The following ZNF347 variants were observed in gnomAD, a reference collection of about 807,000 sequenced individuals.
The protein encoded by ZNF347 is CTD-2620I22.7.
In ZNF347, 19 loss-of-function variants were observed where a neutral mutation model predicts 12.9. The ratio of observed to expected loss-of-function variants is 1.47; its 90% confidence interval spans 1.03 to 2.16. ZNF347 has a LOEUF of 2.16. Ranked by LOEUF, ZNF347 falls within the 30% of genes most tolerant of loss-of-function variation. The pLI, the probability that ZNF347 is intolerant of heterozygous loss-of-function variation, is 0.00. For missense variants in ZNF347, 1,005 were observed against 990.6 expected (o/e 1.01, Z -0.19); for synonymous variants, 328 against 340.6 (o/e 0.96, Z 0.41).
chr19:53,140,199 C>T lies in ZNF347; in HGVS notation c.*109G>A. 1 of 1,141,604 alleles carries T rather than the reference C, an allele frequency of 8.8e-7. No individual in the cohort carries two copies. Among genetic ancestry groups the T allele is most frequent in the Non-Finnish European group, 1.2e-6 (1 of 801,682 alleles). The allele number at this position is 1,141,604 out of a possible 1,614,324, so 70.7% of individuals were successfully genotyped here. A position where few individuals can be genotyped will look rare whatever the true frequency, so the allele number is the denominator to read the frequency against. ...ACAGGCATGAGCCACTGCACCCAGC[C>T]AGTCATTGCATTTTCAAGGAATCTC... On this transcript the variant is annotated 3_prime_UTR_variant, in exon 5 of 5. Coordinates refer to ENST00000334197, the MANE Select transcript of ZNF347 (RefSeq NM_032584.3).
rs1256200036 is a variant in ZNF347, at chr19:53,139,035, CA to C, written c.*1272del. 6.6e-6 allele frequency: 1 copy of C among 152,136 alleles called. No individual in the cohort carries two copies. The highest frequency in any genetic ancestry group is 2.4e-5 in the African/African-American group (1 of 41,426). 9.4% of individuals were successfully genotyped at this position (152,136 alleles called of 1,614,324 possible). A position where few individuals can be genotyped will look rare whatever the true frequency, so the allele number is the denominator to read the frequency against. On this transcript the variant is annotated 3_prime_UTR_variant, in exon 5 of 5. Coordinates refer to ENST00000334197, the MANE Select transcript of ZNF347 (RefSeq NM_032584.3). ...TTTTTCATCAATCTCTGCTATAAAA[CA>C]GCTATTGCCATTCAGTAGAGAAAGT...
Position 53,140,604 on chromosome 19 carries a change from A to G in ZNF347, c.2224T>C (p.Cys742Arg). The stretch of plus-strand genomic sequence containing the variant: ...GAATTCTGAGTGAAGACCTTCCCAC[A>G]CTCATTGCATTTGTAAGGTTTTTTT... The part of the protein sequence containing the change: ...TGKKPYKCNE[C>R]GKVFTQNSHL... Residue 742 changes from cysteine (C) to arginine (R), a missense_variant, in exon 5 of 5, where the codon TGT becomes CGT. Coordinates refer to ENST00000334197, the MANE Select transcript of ZNF347 (RefSeq NM_032584.3). 2 of 1,613,404 alleles carry G rather than the reference A, an allele frequency of 1.2e-6. No individual in the cohort carries two copies. The highest frequency in any genetic ancestry group is 8.5e-7 in the Non-Finnish European group (1 of 1,179,880).
In ZNF347 at chr19:53,149,256, T is replaced by C; in HGVS notation, c.127A>G (p.Asn43Asp). The change falls in exon 3 of 5, where the codon AAC becomes GAC. Residue 43 changes from asparagine to aspartate, a missense_variant. By Grantham distance (23) the Asn-to-Asp change is conservative (BLOSUM62 1). Coordinates refer to ENST00000334197, the MANE Select transcript of ZNF347 (RefSeq NM_032584.3). ...YRDVMLENYR[N>D]LASLGISCFD... Reference sequence around the variant, plus strand: ...TCATCCTCACCCAGGGAGGCCAGGTTCCTATAATTCTCCAACATCACGTCC... The same window carrying C: ...TCATCCTCACCCAGGGAGGCCAGGTCCCTATAATTCTCCAACATCACGTCC... 6.2e-7 allele frequency: 1 copy of C among 1,613,258 alleles called. No individual in the cohort carries two copies. The highest frequency in any genetic ancestry group is 1.3e-5 in the African/African-American group (1 of 74,968).
rs546671915 is a variant in ZNF347, at chr19:53,145,368, A to G, written c.272-2812T>C. On this transcript the variant is annotated intron_variant, in intron 4 of 4. Transcript: ENST00000334197. Reference sequence around the variant, plus strand: ...TCCTGAACAGCCACTGAGTTAATGAAGAAATTAAGAAGGAAATAAAACATT... The same window carrying G: ...TCCTGAACAGCCACTGAGTTAATGAGGAAATTAAGAAGGAAATAAAACATT... Among the ~76,000 whole-genome samples, 34 of 151,654 alleles carry G rather than the reference A, an allele frequency of 2.2e-4. No individual in the cohort carries two copies. The South Asian group carries it at 2.7e-3, about 12-fold the overall frequency.
rs2090408499 is a variant in ZNF347 at position 53,139,864 on chromosome 19, T to C, written c.*444A>G. On this transcript the variant is annotated 3_prime_UTR_variant, in exon 5 of 5. Coordinates refer to ENST00000334197, the MANE Select transcript of ZNF347 (RefSeq NM_032584.3). ...TTATGGACTCTTGGATGTCTATTAA[T>C]ACTTGAACTCATGAGGAGTTTGCCA... The C allele has an allele frequency of 6.2e-6, 1 of 162,556 alleles. No individual in the cohort carries two copies. The highest frequency in any genetic ancestry group is 5.6e-5 in the Admixed American group (1 of 17,792). The allele number at this position is 162,556 out of a possible 1,614,324, so 10.1% of individuals were successfully genotyped here.
chr19:53,152,235 T>C (rs541496371), intron 2 of ZNF347, among the ~76,000 whole-genome samples: 3 of 152,226 alleles, frequency 2.0e-5, no homozygotes, highest in East Asian at 3.9e-4. Flanking sequence ...AATAAAGATG[T>C]AGAATGAGCT....
intron 1 of ZNF347, among the ~76,000 whole-genome samples, chr19:53,155,101 C>T (rs567408379): frequency 1.3e-5 from 2 of 151,932 alleles, no homozygotes; most frequent in South Asian, 2.1e-4. Context: ...CTATGCCTGG[C>T]TAATTTTTGT....
At chr19:53,154,693 T>C (rs1224075213) in intron 1 of ZNF347, among the ~76,000 whole-genome samples, 1 of 152,094 alleles carries the variant, frequency 6.6e-6, no homozygotes, top group East Asian at 1.9e-4. Context: ...CACATGCTAC[T>C]GATAGGAATG....
chr19:53,139,628 C>T lies in ZNF347; in HGVS notation c.*680G>A, dbSNP rs1457690945. On this transcript the variant is annotated 3_prime_UTR_variant, in exon 5 of 5. Coordinates refer to ENST00000334197, the MANE Select transcript of ZNF347 (RefSeq NM_032584.3). ...AACGTGTAATTATTGTGCAGTTTAT[C>T]ATTTTAAAAGTGAATCAAAGAACTA... 1 of 152,174 alleles carries T rather than the reference C, an allele frequency of 6.6e-6. No individual in the cohort carries two copies. Among genetic ancestry groups the T allele is most frequent in the Non-Finnish European group, 1.5e-5 (1 of 68,018 alleles). 9.4% of individuals were successfully genotyped at this position (152,174 alleles called of 1,614,324 possible). A position where few individuals can be genotyped will look rare whatever the true frequency, so the allele number is the denominator to read the frequency against.
Position 53,142,080 on chromosome 19 carries a change from G to T in ZNF347, c.748C>A (p.Gln250Lys), listed in dbSNP as rs1179798497. ...KDFISSLLLT[Q>K]GQKANNWGSP... is the part of the protein sequence containing the mutation. The stretch of plus-strand genomic sequence containing the variant: ...CCCCAATTATTTGCTTTTTGCCCCT[G>T]TGTGAGTAATAAAGAAGAGATAAAA... The change falls in exon 5 of 5, where the codon CAG becomes AAG. Residue 250 changes from glutamine (Q) to lysine (K), a missense_variant. Gln to Lys is a moderately conservative substitution (Grantham distance 53, BLOSUM62 1). Transcript: ENST00000334197. 1 of 1,612,686 alleles carries T rather than the reference G, an allele frequency of 6.2e-7. No homozygotes were observed. The highest frequency in any genetic ancestry group is 1.7e-4 in the Middle Eastern group (1 of 6,048).
chr19:53,142,050 G>C lies in ZNF347; in HGVS notation c.778C>G (p.Pro260Ala). Residue 260 changes from proline to alanine, a missense_variant, in exon 5 of 5, where the codon CCT (proline) becomes GCT (alanine). By Grantham distance (27) the Pro-to-Ala change is conservative. Coordinates refer to ENST00000334197, the MANE Select transcript of ZNF347 (RefSeq NM_032584.3). ...ATGCCACATCCATTAGATTTGTAAGGGCTTCCCCAATTATTTGCTTTTTGC... is the reference window on the plus strand; with the variant it reads ...ATGCCACATCCATTAGATTTGTAAGCGCTTCCCCAATTATTTGCTTTTTGC... ...QGQKANNWGS[P>A]YKSNGCGMVF... 6.2e-7 allele frequency: 1 copy of C among 1,613,722 alleles called. No homozygotes were observed. Among genetic ancestry groups the C allele is most frequent in the Non-Finnish European group, 8.5e-7 (1 of 1,179,932 alleles).
At chr19:53,155,835 G>A (rs949529437) in intron 1 of ZNF347, among the ~76,000 whole-genome samples, 2 of 152,178 alleles carry the variant, frequency 1.3e-5, no homozygotes, top group Non-Finnish European at 2.9e-5. Context: ...GCAGGAACAG[G>A]CCATTCCCAG....
chr19:53,141,429 T>A lies in ZNF347; in HGVS notation c.1399A>T (p.Arg467Trp). 2 of 1,613,958 alleles carry A rather than the reference T, an allele frequency of 1.2e-6. No individual in the cohort carries two copies. Among genetic ancestry groups the A allele is most frequent in the Non-Finnish European group, 1.7e-6 (2 of 1,179,944 alleles). ...YKCHECGKVF[R>W]RNSHLARHQL... ...TGCCTTGCAAGGTGTGAATTACGCCTAAAGACCTTGCCGCATTCATGACAT... is the reference window on the plus strand; with the variant it reads ...TGCCTTGCAAGGTGTGAATTACGCCAAAAGACCTTGCCGCATTCATGACAT... The change falls in exon 5 of 5, where the codon AGG (arginine) becomes TGG (tryptophan). Residue 467 changes from arginine (R) to tryptophan (W), a missense_variant. By Grantham distance (101) the Arg-to-Trp change is moderately radical. Transcript: ENST00000334197.
At chr19:53,153,225 C>T (rs2090510034) in intron 2 of ZNF347, among the ~76,000 whole-genome samples, 1 of 152,186 alleles carries the variant, frequency 6.6e-6, no homozygotes. Flanking sequence ...ATTCCATTCC[C>T]AGTCATTAAT....
chr19:53,158,510 G>C (rs537749368), intron 1 of ZNF347, among the ~76,000 whole-genome samples: 1 of 152,310 alleles, frequency 6.6e-6, no homozygotes, highest in East Asian at 1.9e-4. Flanking sequence ...GCCGGGGACA[G>C]GGAGAAGCCT....
At chr19:53,155,986 C>T (rs1029794261) in intron 1 of ZNF347, among the ~76,000 whole-genome samples, 1 of 129,052 alleles carries the variant, frequency 7.7e-6, no homozygotes, top group South Asian at 2.3e-4. Context: ...CTCTAGTCAC[C>T]AAAATGTGTG....
rs1178984725 is a variant in ZNF347 at position 53,135,339 on chromosome 19, TAGAGAG to T, written c.*4963_*4968del. 1 of 85,256 alleles carries T rather than the reference TAGAGAG, an allele frequency of 1.2e-5. No homozygotes were observed. The highest frequency in any genetic ancestry group is 1.4e-4 in the Admixed American group (1 of 7,296). 5.3% of individuals were successfully genotyped at this position (85,256 alleles called of 1,614,324 possible). ...ATATATATATATATATATATATATA[TAGAGAG>T]AGAGAGAGAGAGAGAGAGAGAGAAA... On this transcript the variant is annotated 3_prime_UTR_variant, in exon 5 of 5. Transcript: ENST00000334197.
Position 53,142,200 on chromosome 19 carries a change from C to A in ZNF347, c.628G>T (p.Val210Phe). Reference protein sequence around the residue: ...YEGKIYECNQVEKSFNNNSSV... With the variant: ...YEGKIYECNQFEKSFNNNSSV... The stretch of plus-strand genomic sequence containing the variant: ...GAATTATTGTTGAAAGACTTCTCAA[C>A]CTGATTACATTCATAAATTTTCCCT... The change falls in exon 5 of 5, where the codon GTT becomes TTT. Residue 210 changes from valine to phenylalanine, a missense_variant. Coordinates refer to ENST00000334197, the MANE Select transcript of ZNF347 (RefSeq NM_032584.3). 6.2e-7 allele frequency: 1 copy of A among 1,613,930 alleles called. No individual in the cohort carries two copies. The highest frequency in any genetic ancestry group is 8.5e-7 in the Non-Finnish European group (1 of 1,179,964).
intron 2 of ZNF347, among the ~76,000 whole-genome samples, chr19:53,150,891 C>T (rs530740365): frequency 6.6e-6 from 1 of 152,156 alleles, no homozygotes; most frequent in African/African-American, 2.4e-5. Context: ...AAGCACCCAC[C>T]ACCACACCCG....
Sources: gnomAD v4.1 joint callset for allele counts (sites outside exome capture counted in the v4.1 genomes callset) on GRCh38, gnomAD v4.1.1 for gene constraint, MANE v1.5 for transcripts, NCBI Gene and HGNC (gene_info 2026-07-23, HGNC 2026-07-21) for gene names.